The following LINGO2 variants were observed in gnomAD, a reference collection of about 807,000 sequenced individuals.
LINGO2 encodes leucine rich repeat and Ig domain containing 2.
In LINGO2, 14 loss-of-function variants were observed where a neutral mutation model predicts 30.6. The observed-to-expected ratio is 0.46, with a 90% CI of 0.30 to 0.72. LINGO2 has a LOEUF of 0.72. LINGO2 is among the 30% of genes least tolerant of loss of function. LINGO2 has a pLI of 0.07. For synonymous variants in LINGO2, 317 were observed against 288.5 expected (o/e 1.10, Z -1.00); for missense variants, 729 against 751.7 (o/e 0.97, Z 0.35).
At chr9:28,386,394 T>C (rs1342462276) in intron 2 of LINGO2, among the ~76,000 whole-genome samples, 1 of 152,086 alleles carries the variant, frequency 6.6e-6, no homozygotes, top group Non-Finnish European at 1.5e-5. Context: ...GATTCATATT[T>C]CCCTAAACTG....
chr9:28,746,968 C>A, the LINGO2 span, among the ~76,000 whole-genome samples: 1 of 151,958 alleles, frequency 6.6e-6, no homozygotes, highest in South Asian at 2.1e-4. Context: ...CTTAGTGATA[C>A]GGACAGGAGA....
At chr9:28,242,566 G>A (rs1821839160) in intron 4 of LINGO2, among the ~76,000 whole-genome samples, 1 of 152,116 alleles carries the variant, frequency 6.6e-6, no homozygotes, top group African/African-American at 2.4e-5. Flanking sequence ...TATTATCCAG[G>A]AGAACTTCCC....
the LINGO2 span, among the ~76,000 whole-genome samples, chr9:28,927,160 G>A: frequency 1.3e-5 from 2 of 152,182 alleles, no homozygotes; most frequent in African/African-American, 4.8e-5. Flanking sequence ...ACTGTGCCTG[G>A]TAAATAGTGC....
At chr9:28,990,213 G>A in the LINGO2 span, among the ~76,000 whole-genome samples, 3 of 152,316 alleles carry the variant, frequency 2.0e-5, no homozygotes, top group Admixed American at 6.5e-5. Flanking sequence ...TCCCGCATCC[G>A]GCTCGGAGGG....
At chr9:28,241,894 T>C (rs895193722) in intron 4 of LINGO2, among the ~76,000 whole-genome samples, 2 of 151,656 alleles carry the variant, frequency 1.3e-5, no homozygotes, top group Non-Finnish European at 2.9e-5. Context: ...ACCTGACTAC[T>C]GAAAGAAAAA....
the LINGO2 span, among the ~76,000 whole-genome samples, chr9:28,912,114 A>T: frequency 6.6e-6 from 1 of 152,156 alleles, no homozygotes; most frequent in Non-Finnish European, 1.5e-5. Context: ...ATCTAACCTG[A>T]GCAACAAATA....
Position 28,651,312 on chromosome 9 carries a change from T to C in LINGO2, c.-365+18888A>G, listed in dbSNP as rs558966371. On this transcript the variant is annotated intron_variant, in intron 1 of 5. Transcript: ENST00000379992. ...CTTATTCACACAGAATATACTGTTATAGCACTTTTTGAGCAGGGGAAGGCA... is the reference window on the plus strand; with the variant it reads ...CTTATTCACACAGAATATACTGTTACAGCACTTTTTGAGCAGGGGAAGGCA... Among the ~76,000 whole-genome samples, 5 of 152,298 alleles carry C rather than the reference T, an allele frequency of 3.3e-5. No individual in the cohort carries two copies. The South Asian group carries it at 1.0e-3, about 32-fold the overall frequency.
chr9:28,414,478 G>T (rs1822893804), intron 2 of LINGO2, among the ~76,000 whole-genome samples: 2 of 151,950 alleles, frequency 1.3e-5, no homozygotes, highest in African/African-American at 4.8e-5. Flanking sequence ...AGCATTGAGG[G>T]GCTGATATTT....
At chr9:28,960,369 G>T in the LINGO2 span, among the ~76,000 whole-genome samples, 2 of 151,672 alleles carry the variant, frequency 1.3e-5, no homozygotes, top group Non-Finnish European at 2.9e-5. Context: ...GCATGGCAGT[G>T]GGCACCTGCA....
chr9:29,012,319 C>T, the LINGO2 span, among the ~76,000 whole-genome samples: 1 of 151,870 alleles, frequency 6.6e-6, no homozygotes, highest in South Asian at 2.1e-4. Flanking sequence ...GATCACACCA[C>T]TGCACACCAG....
chr9:28,653,894 G>A (rs960399361), intron 1 of LINGO2, among the ~76,000 whole-genome samples: 8 of 152,054 alleles, frequency 5.3e-5, no homozygotes, highest in Admixed American at 2.6e-4. Flanking sequence ...GATGCCTGGA[G>A]TAGTATTTTA....
chr9:28,554,570 G>C lies in LINGO2; in HGVS notation c.-364-78545C>G, dbSNP rs895655118. Among the ~76,000 whole-genome samples the C allele has an allele frequency of 1.5e-4, 22 of 145,560 alleles. No individual in the cohort carries two copies. The Admixed American group carries it at 1.5e-3, about 10-fold the overall frequency. ...TAATGGGAGACTCTAACACCCCACT[G>C]TCAACATTAGACAGATCAACGAGAC... On this transcript the variant is annotated intron_variant, in intron 1 of 5. Transcript: ENST00000379992.
chr9:28,548,674 A>T (rs1209808786), intron 1 of LINGO2, among the ~76,000 whole-genome samples: 4 of 131,784 alleles, frequency 3.0e-5, no homozygotes, highest in Non-Finnish European at 6.2e-5. Context: ...ACTGCACTCC[A>T]GCCTGGCAAC....
chr9:28,450,933 T>C (rs1469303917), intron 2 of LINGO2, among the ~76,000 whole-genome samples: 4 of 152,012 alleles, frequency 2.6e-5, no homozygotes, highest in Non-Finnish European at 4.4e-5. Flanking sequence ...TATCACTTAA[T>C]TGTGGTGAAC....
chr9:28,344,557 G>A (rs1307082431), intron 3 of LINGO2, among the ~76,000 whole-genome samples: 5 of 152,072 alleles, frequency 3.3e-5, no homozygotes, highest in African/African-American at 1.2e-4. Flanking sequence ...TGGAGACTGT[G>A]TATTCCTGAA....
chr9:29,201,045 T>C, the LINGO2 span, among the ~76,000 whole-genome samples: 1 of 152,056 alleles, frequency 6.6e-6, no homozygotes, highest in South Asian at 2.1e-4. Flanking sequence ...CCTTGGTCAC[T>C]TGGTTGAGGT....
At chr9:28,473,580 G>A (rs1286161246) in intron 2 of LINGO2, among the ~76,000 whole-genome samples, 1 of 151,876 alleles carries the variant, frequency 6.6e-6, no homozygotes, top group Admixed American at 6.6e-5. Flanking sequence ...CTTTTCAGAG[G>A]GAGCAGAAAA....
At chr9:28,349,050 A>G (rs1819730904) in intron 3 of LINGO2, among the ~76,000 whole-genome samples, 1 of 151,646 alleles carries the variant, frequency 6.6e-6, no homozygotes, top group Non-Finnish European at 1.5e-5. Flanking sequence ...AGATGGGGAA[A>G]AAACAGAACA....
chr9:28,828,640 G>A, the LINGO2 span, among the ~76,000 whole-genome samples: 1 of 151,730 alleles, frequency 6.6e-6, no homozygotes, highest in Non-Finnish European at 1.5e-5. Flanking sequence ...CAGACTCTGG[G>A]TTAATTAGAC....
Sources: gnomAD v4.1 joint callset for allele counts (sites outside exome capture counted in the v4.1 genomes callset) on GRCh38, gnomAD v4.1.1 for gene constraint, MANE v1.5 for transcripts, NCBI Gene and HGNC (gene_info 2026-07-23, HGNC 2026-07-21) for gene names.